The following MYO16 variants were observed in gnomAD, a reference collection of about 807,000 sequenced individuals.
The protein encoded by MYO16 is unconventional myosin-XVI.
Under a neutral mutation model 205.3 loss-of-function variants are expected in MYO16, and 94 were observed. The ratio of observed to expected loss-of-function variants is 0.46; its 90% CI spans 0.39 to 0.54. The LOEUF (loss-of-function observed/expected upper bound fraction) is 0.54. Among genes scored for constraint, MYO16 ranks in the 20% least tolerant of loss-of-function variants. The pLI is 0.00. For synonymous variants in MYO16, 988 were observed against 954.0 expected, an observed-to-expected ratio of 1.04 and a Z score of -0.66; for missense variants, 2,315 against 2,387.5, an observed-to-expected ratio of 0.97 and a Z score of 0.63.
chr13:108,640,033 A>G (rs10083269), intron 1 of MYO16, among the ~76,000 whole-genome samples: 3,396 of 152,292 alleles, frequency 0.022, 125 homozygotes, highest in African/African-American at 0.077. Context: ...CCATAGACAC[A>G]CAGCTGCAGC....
At chr13:108,971,349 T>TTATATATATATATATATATATATA (rs60564701) in intron 20 of MYO16, among the ~76,000 whole-genome samples, 1 of 144,272 alleles carries the variant, frequency 6.9e-6, no homozygotes, top group African/African-American at 2.6e-5. Context: ...TGTGTGTTGA[T>TTATATATATATATATATATATATA]TATATATATA....
At chr13:108,669,373 A>G (rs1881884944) in intron 2 of MYO16, among the ~76,000 whole-genome samples, 1 of 152,128 alleles carries the variant, frequency 6.6e-6, no homozygotes, top group Non-Finnish European at 1.5e-5. Context: ...TTAATGGATT[A>G]GGTTCTGTAC....
At chr13:108,524,411 C>G in the MYO16 span, among the ~76,000 whole-genome samples, 218 of 152,288 alleles carry the variant, frequency 1.4e-3, no homozygotes, top group African/African-American at 4.9e-3. Flanking sequence ...TACCTGCTTC[C>G]CCTTCACCTT....
the MYO16 span, among the ~76,000 whole-genome samples, chr13:108,577,440 G>C: frequency 1.3e-5 from 2 of 152,186 alleles, no homozygotes; most frequent in South Asian, 4.2e-4. Context: ...TCCAGCACCG[G>C]GCACCAGCAC....
At chr13:108,680,614 CT>C (rs1365625575) in intron 2 of MYO16, among the ~76,000 whole-genome samples, 6 of 152,174 alleles carry the variant, frequency 3.9e-5, no homozygotes, top group Non-Finnish European at 5.9e-5. Flanking sequence ...CCTTGAGGCA[CT>C]TTTTAATCCA....
rs1309637222 is a variant in MYO16, at chr13:109,023,268, TATAAATATATATATTTATATATTATACA to T, written c.2796+3358_2796+3385del. Among the ~76,000 whole-genome samples, 81 of 82,012 alleles carry T rather than the reference TATAAATATATATATTTATATATTATACA, an allele frequency of 9.9e-4. 1 individual carries two copies. Among genetic ancestry groups the T allele is most frequent in the African/African-American group, 3.9e-3 (81 of 20,508 alleles). 53.8% of individuals were successfully genotyped at this position (82,012 alleles called of 152,430 possible). A position where few individuals can be genotyped will look rare whatever the true frequency, so the allele number is the denominator to read the frequency against. ...TATATATATTTATATATTATACAGA[TATAAATATATATATTTATATATTATACA>T]GATATAAATATATATATTTATATAT... On this transcript the variant is annotated intron_variant, in intron 23 of 34. Transcript: ENST00000457511.
At position 108,910,161 on chromosome 13, in the gene MYO16, A is replaced by C. The variant is rs773731810; in HGVS notation, c.1925+11A>C. 2 of 1,607,806 alleles carry C rather than the reference A, an allele frequency of 1.2e-6. No individual in the cohort carries two copies. Among genetic ancestry groups the C allele is most frequent in the Non-Finnish European group, 1.7e-6 (2 of 1,176,290 alleles). On this transcript the variant is annotated intron_variant, in intron 16 of 34. Transcript: ENST00000457511. ...TTTATGTGCACACCGGTGAGTGACT[A>C]AGTATTTTGTATCTAAAAGCTATGC...
rs1450013646 is a variant in MYO16 at position 109,207,282 on chromosome 13, A to G, written c.*446A>G. On this transcript the variant is annotated 3_prime_UTR_variant, in exon 35 of 35. Transcript: ENST00000457511. ...ACATATATTTTATTTCTTTGTAGCT[A>G]CTTGTGTTTTATTGGTATTATAAAC... 1 of 153,018 alleles carries G rather than the reference A, an allele frequency of 6.5e-6. No homozygotes were observed. The highest frequency in any genetic ancestry group is 6.5e-5 in the Admixed American group (1 of 15,320). The allele number at this position is 153,018 out of a possible 1,614,324, so 9.5% of individuals were successfully genotyped here.
rs1293538718 is a variant in MYO16 at position 108,827,003 on chromosome 13, A to G, written c.1097+3725A>G. On this transcript the variant is annotated intron_variant, in intron 9 of 34. Coordinates refer to ENST00000457511, the MANE Select transcript of MYO16 (RefSeq NM_001198950.3). ...TTCTCAAACAGTTGAACGTAGGTTT[A>G]CCACGTGACCCATAAATTCTTCTCC... Among the ~76,000 whole-genome samples the G allele has an allele frequency of 2.6e-5, 4 of 152,294 alleles. No homozygotes were observed. In the East Asian group the frequency reaches 7.7e-4, roughly 29 times the overall value.
At chr13:109,150,615 T>C (rs1325626368) in intron 32 of MYO16, among the ~76,000 whole-genome samples, 1 of 152,202 alleles carries the variant, frequency 6.6e-6, no homozygotes, top group Non-Finnish European at 1.5e-5. Flanking sequence ...TTTTTTAGAT[T>C]AACCAAATGC....
intron 10 of MYO16, among the ~76,000 whole-genome samples, chr13:108,847,450 C>T (rs1047524968): frequency 6.6e-6 from 1 of 152,074 alleles, no homozygotes. Context: ...GGAAGAGCAG[C>T]GTGGTAAACT....
intron 4 of MYO16, among the ~76,000 whole-genome samples, chr13:108,753,031 T>C (rs535583288): frequency 6.6e-6 from 1 of 152,018 alleles, no homozygotes; most frequent in South Asian, 2.1e-4. Context: ...AGATGAGACA[T>C]TACACCAATA....
chr13:108,836,794 C>A (rs1876945196), intron 9 of MYO16, among the ~76,000 whole-genome samples: 1 of 152,090 alleles, frequency 6.6e-6, no homozygotes, highest in African/African-American at 2.4e-5. Flanking sequence ...GCAAATTTCT[C>A]CCATTTGGAA....
chr13:109,035,699 A>T (rs1283477482), intron 23 of MYO16, among the ~76,000 whole-genome samples: 1 of 152,160 alleles, frequency 6.6e-6, no homozygotes, highest in Non-Finnish European at 1.5e-5. Flanking sequence ...AATTAATTAA[A>T]TAAAATAAAA....
At chr13:108,635,134 A>G (rs1880164483) in intron 1 of MYO16, among the ~76,000 whole-genome samples, 1 of 152,220 alleles carries the variant, frequency 6.6e-6, no homozygotes, top group African/African-American at 2.4e-5. Context: ...CATTGAATCA[A>G]ATGGTATGTG....
chr13:109,038,791 T>C (rs1197731668), intron 23 of MYO16, among the ~76,000 whole-genome samples: 1 of 152,196 alleles, frequency 6.6e-6, no homozygotes, highest in East Asian at 1.9e-4. Context: ...TTTTTAGTTA[T>C]ATTTATTGAA....
At chr13:108,931,476 A>G (rs1357697761) in intron 16 of MYO16, among the ~76,000 whole-genome samples, 2 of 151,990 alleles carry the variant, frequency 1.3e-5, no homozygotes, top group Non-Finnish European at 2.9e-5. Flanking sequence ...GCTCTCTCCA[A>G]CGCCTTTCCT....
intron 6 of MYO16, among the ~76,000 whole-genome samples, chr13:108,795,462 C>G (rs754980211): frequency 2.0e-5 from 3 of 152,150 alleles, no homozygotes; most frequent in Non-Finnish European, 4.4e-5. Flanking sequence ...CCCGCCTTGG[C>G]CTCCCAAAGT....
intron 2 of MYO16, among the ~76,000 whole-genome samples, chr13:108,690,430 G>C (rs192747421): frequency 2.7e-3 from 136 of 50,300 alleles, no homozygotes; most frequent in African/African-American, 0.013. Flanking sequence ...GAGCTATGGG[G>C]GTGCTTTGGA....
Sources: allele counts gnomAD v4.1 joint callset (sites outside exome capture counted in the v4.1 genomes callset), GRCh38; gene constraint gnomAD v4.1.1; transcripts MANE v1.5; gene names NCBI Gene and HGNC (gene_info 2026-07-23, HGNC 2026-07-21).